The following ESRRG variants were observed in gnomAD, a reference collection of about 807,000 sequenced individuals.
ESRRG encodes estrogen related receptor gamma.
A neutral mutation model predicts 44.0 loss-of-function variants in ESRRG; 13 were observed. The ratio of observed to expected loss-of-function variants is 0.30; its 90% confidence interval spans 0.19 to 0.47. The LOEUF (loss-of-function observed/expected upper bound fraction) is 0.47. Ranked by LOEUF, ESRRG falls within the 20% of genes least tolerant of loss-of-function variation. The probability of loss-of-function intolerance (pLI) is 1.00; values close to 1 mark genes in which losing one functional copy is unlikely to be tolerated. For missense variants in ESRRG, 395 were observed against 580.6 expected (o/e 0.68, Z 3.29); for synonymous variants, 215 against 214.6 (o/e 1.00, Z -0.02).
At chr1:217,047,613 T>G (rs996849737) in intron 1 of ESRRG, among the ~76,000 whole-genome samples, 1 of 152,192 alleles carries the variant, frequency 6.6e-6, no homozygotes, top group Non-Finnish European at 1.5e-5. Flanking sequence ...AATAGATACA[T>G]TAAATCATAT....
chr1:216,853,032 CT>C (rs2095865551), intron 2 of ESRRG, among the ~76,000 whole-genome samples: 1 of 152,190 alleles, frequency 6.6e-6, no homozygotes, highest in African/African-American at 2.4e-5. Flanking sequence ...ATTAGAACCC[CT>C]GTCCTTTACA....
At chr1:217,089,091 C>A (rs570859861) in intron 1 of ESRRG, among the ~76,000 whole-genome samples, 1 of 152,010 alleles carries the variant, frequency 6.6e-6, no homozygotes, top group Non-Finnish European at 1.5e-5. Context: ...TGGCACCACC[C>A]TCTCCCCCAA....
chr1:216,683,368 T>C (rs1470396358), intron 1 of ESRRG, among the ~76,000 whole-genome samples: 1 of 152,218 alleles, frequency 6.6e-6, no homozygotes, highest in Non-Finnish European at 1.5e-5. Flanking sequence ...GAGCCCTATC[T>C]AATAGAATGG....
chr1:217,114,004 G>GA (rs908649356), intron 1 of ESRRG, among the ~76,000 whole-genome samples: 178 of 143,526 alleles, frequency 1.2e-3, no homozygotes, highest in African/African-American at 3.6e-3. Flanking sequence ...GTTTCTAAAA[G>GA]AAAAAAAAAA....
chr1:216,524,093 C>G (rs1433939629), intron 5 of ESRRG, among the ~76,000 whole-genome samples: 1 of 151,920 alleles, frequency 6.6e-6, no homozygotes, highest in South Asian at 2.1e-4. Flanking sequence ...AGATGCATAA[C>G]CCTTGCTAGA....
chr1:216,806,008 C>G (rs1316644648), intron 2 of ESRRG, among the ~76,000 whole-genome samples: 1 of 152,152 alleles, frequency 6.6e-6, no homozygotes, highest in Non-Finnish European at 1.5e-5. Flanking sequence ...CTCTATGGGA[C>G]TTGGAACCTG....
chr1:216,645,351 T>C (rs139951645), intron 3 of ESRRG, among the ~76,000 whole-genome samples: 2 of 152,234 alleles, frequency 1.3e-5, no homozygotes, highest in African/African-American at 4.8e-5. Flanking sequence ...ATCATCATCA[T>C]CATCATCATT....
intron 3 of ESRRG, 31 bp from the exon 4 acceptor site, chr1:216,568,129 T>C (rs754816867): frequency 1.4e-6 from 2 of 1,470,532 alleles, no homozygotes; most frequent in South Asian, 2.3e-5. Context: ...CGGCTTACTA[T>C]TAAGGTAGCT....
intron 1 of ESRRG, among the ~76,000 whole-genome samples, chr1:216,971,464 T>C (rs2071643862): frequency 1.3e-5 from 2 of 152,108 alleles, no homozygotes; most frequent in South Asian, 4.1e-4. Context: ...AAGGCAAAAT[T>C]CGTAAAACAA....
chr1:216,652,822 G>C (rs571755500), intron 2 of ESRRG, among the ~76,000 whole-genome samples: 1 of 152,212 alleles, frequency 6.6e-6, no homozygotes, highest in East Asian at 1.9e-4. Flanking sequence ...TGCATCAAAA[G>C]AGTGTTGCTA....
chr1:216,592,958 A>G (rs976943427), intron 3 of ESRRG, among the ~76,000 whole-genome samples: 1 of 152,218 alleles, frequency 6.6e-6, no homozygotes, highest in Non-Finnish European at 1.5e-5. Context: ...TTTAAAAATG[A>G]GGAAGGTGAG....
intron 2 of ESRRG, among the ~76,000 whole-genome samples, chr1:216,805,749 G>T (rs928505352): frequency 1.9e-4 from 29 of 151,400 alleles, no homozygotes; most frequent in Admixed American, 1.8e-3. Flanking sequence ...AAAAAAAAAA[G>T]GATTTTTTTT....
At position 216,967,917 on chromosome 1, in the gene ESRRG, G is replaced by T. The variant is rs183740695; in HGVS notation, c.-105-28244C>A. ...CTCATCAGCATTTGGTATTGTCAGC[G>T]TCTTGGATTTTGGCCATTCAAATAA... On this transcript the variant is annotated intron_variant, in intron 1 of 7. Coordinates refer to the ESRRG transcript ENST00000359162. Among the ~76,000 whole-genome samples the T allele has an allele frequency of 5.8e-4, 88 of 152,214 alleles. 1 individual carries two copies. The highest frequency in any genetic ancestry group is 5.1e-3 in the Admixed American group (78 of 15,280).
chr1:216,761,896 C>G (rs1314941336), intron 2 of ESRRG, among the ~76,000 whole-genome samples: 1 of 152,010 alleles, frequency 6.6e-6, no homozygotes, highest in African/African-American at 2.4e-5. Flanking sequence ...TGCTTTACAC[C>G]CTGAGGGTGT....
intron 3 of ESRRG, among the ~76,000 whole-genome samples, chr1:216,577,252 G>A (rs527502646): frequency 5.9e-5 from 9 of 151,836 alleles, no homozygotes; most frequent in Admixed American, 5.3e-4. Flanking sequence ...AAAGAAAAAA[G>A]GAAAATCTTC....
intron 2 of ESRRG, among the ~76,000 whole-genome samples, chr1:216,769,623 A>G (rs2093292208): frequency 6.6e-6 from 1 of 152,128 alleles, no homozygotes; most frequent in Non-Finnish European, 1.5e-5. Flanking sequence ...AGAAACAGTT[A>G]TAAGTTTACT....
chr1:217,033,757 GAAT>G (rs1054012684), intron 1 of ESRRG, among the ~76,000 whole-genome samples: 3 of 152,212 alleles, frequency 2.0e-5, no homozygotes, highest in Non-Finnish European at 4.4e-5. Context: ...CCTCTGCTGT[GAAT>G]AATAATAGCT....
chr1:216,584,481 C>G (rs1198301332), intron 3 of ESRRG, among the ~76,000 whole-genome samples: 1 of 152,040 alleles, frequency 6.6e-6, no homozygotes, highest in African/African-American at 2.4e-5. Context: ...TGGTCTCGAT[C>G]TCCTGACCTC....
intron 3 of ESRRG, among the ~76,000 whole-genome samples, chr1:216,622,202 G>T (rs1170676728): frequency 6.6e-6 from 1 of 152,136 alleles, no homozygotes; most frequent in Non-Finnish European, 1.5e-5. Context: ...TCCTTCTGAG[G>T]CTTCATTTGA....
Sources: allele counts gnomAD v4.1 joint callset (sites outside exome capture counted in the v4.1 genomes callset), GRCh38; gene constraint gnomAD v4.1.1; transcripts MANE v1.5; gene names NCBI Gene and HGNC (gene_info 2026-07-23, HGNC 2026-07-21).